Variants in PRH1 observed in about 807,000 individuals in gnomAD.
The protein encoded by PRH1 is proline rich protein HaeIII subfamily 1, also known as salivary acidic proline-rich phosphoprotein 1/2.
PRH1 carries 7 observed loss-of-function variants against 7.9 expected under a neutral mutation model. The observed-to-expected ratio is 0.89, with a 90% CI of 0.50 to 1.67. The LOEUF (loss-of-function observed/expected upper bound fraction) is 1.67, where lower values mean the gene tolerates loss of function less well. PRH1 is among the 40% of genes most tolerant of loss of function. The pLI is 0.00. For missense variants in PRH1, 109 were observed against 223.6 expected, an observed-to-expected ratio of 0.49 and a Z score of 3.27; for synonymous variants, 45 against 80.8, an observed-to-expected ratio of 0.56 and a Z score of 2.38.
At chr12:11,026,654 G>C (rs533343626) in intron 1 of PRH1, among the ~76,000 whole-genome samples, 181 of 148,024 alleles carry the variant, frequency 1.2e-3, no homozygotes, top group African/African-American at 3.9e-3. Context: ...CTTTCTATAA[G>C]CCGATTCACT....
At chr12:11,045,218 T>C (rs1158973324) in intron 1 of PRH1, among the ~76,000 whole-genome samples, 1 of 91,582 alleles carries the variant, frequency 1.1e-5, no homozygotes, top group African/African-American at 3.8e-5. Context: ...ACTGCAATGT[T>C]TGCACAGAAG....
At position 11,145,413 on chromosome 12, in the gene PRH1, A is replaced by C. The variant is rs1386955002; in HGVS notation, n.40-24233T>G. Among the ~76,000 whole-genome samples, 4 of 152,172 alleles carry C rather than the reference A, an allele frequency of 2.6e-5. No individual in the cohort carries two copies. The East Asian group carries it at 7.7e-4, about 29-fold the overall frequency. On this transcript the variant is annotated intron_variant and non_coding_transcript_variant, in intron 1 of 1. Coordinates refer to the PRH1 transcript ENST00000541175. ...TCACCATGTTGGCTAGGATGGTCTG[A>C]AACTCCTGACCTCAAATAATCTATC...
intron 1 of PRH1, chr12:10,986,447 T>C (rs149784278): frequency 5.0e-5 from 80 of 1,613,852 alleles, no homozygotes; most frequent in South Asian, 1.2e-4. Context: ...AAACCAAAAA[T>C]ATCAAAGTCC....
At chr12:11,130,866 C>T (rs1200243248) in intron 1 of PRH1, among the ~76,000 whole-genome samples, 1 of 151,742 alleles carries the variant, frequency 6.6e-6, no homozygotes, top group Admixed American at 6.6e-5. Flanking sequence ...AAGTCATATG[C>T]TCATAAAGCC....
chr12:10,987,542 AAG>A (rs143040427), intron 1 of PRH1, among the ~76,000 whole-genome samples: 357 of 146,258 alleles, frequency 2.4e-3, no homozygotes, highest in African/African-American at 3.5e-3. Flanking sequence ...CAAACACAGA[AAG>A]AGAGAGAGAG....
intron 2 of PRH1, among the ~76,000 whole-genome samples, chr12:10,911,846 A>G (rs1346845902): frequency 6.6e-6 from 1 of 152,196 alleles, no homozygotes; most frequent in Non-Finnish European, 1.5e-5. Context: ...AAGAAAGAGA[A>G]CTTTGTAAAC....
At chr12:10,975,343 G>T (rs1181769294) in intron 1 of PRH1, among the ~76,000 whole-genome samples, 1 of 152,098 alleles carries the variant, frequency 6.6e-6, no homozygotes, top group Non-Finnish European at 1.5e-5. Flanking sequence ...TAAGTGAAGG[G>T]GAAATAAGAT....
chr12:11,029,303 TTGA>T (rs1371037846), intron 1 of PRH1, among the ~76,000 whole-genome samples: 3 of 137,006 alleles, frequency 2.2e-5, no homozygotes, highest in African/African-American at 7.9e-5. Context: ...CATTTCATCA[TTGA>T]TGACAAAATT....
chr12:11,137,756 T>G (rs671751), intron 1 of PRH1, among the ~76,000 whole-genome samples: 1 of 152,306 alleles, frequency 6.6e-6, no homozygotes. Flanking sequence ...TTCCAATAAT[T>G]ATGATCTTTT....
At position 11,043,587 on chromosome 12, in the gene PRH1, C is replaced by A. The variant is rs1460457881; in HGVS notation, c.-126+3433G>T. Among the ~76,000 whole-genome samples, 4 of 145,004 alleles carry A rather than the reference C, an allele frequency of 2.8e-5. No individual in the cohort carries two copies. In the East Asian group the frequency reaches 6.2e-4, roughly 23 times the overall value. On this transcript the variant is annotated intron_variant, in intron 1 of 3. Coordinates refer to the PRH1 transcript ENST00000539853. The stretch of plus-strand genomic sequence containing the variant: ...AACTATTAGAATTGATAAACAAACT[C>A]AATAAATTTGCAGTATACACAATTA...
intron 1 of PRH1, among the ~76,000 whole-genome samples, chr12:11,005,224 C>T (rs1940772515): frequency 6.6e-6 from 1 of 152,110 alleles, no homozygotes; most frequent in African/African-American, 2.4e-5. Flanking sequence ...TATGTCCTGG[C>T]TATAAGATGA....
At chr12:11,155,357 A>G (rs1322134308) in intron 1 of PRH1, among the ~76,000 whole-genome samples, 1 of 152,224 alleles carries the variant, frequency 6.6e-6, no homozygotes, top group Admixed American at 6.5e-5. Flanking sequence ...CTTGAAAACC[A>G]GAGAACCAGA....
intron 1 of PRH1, among the ~76,000 whole-genome samples, chr12:11,158,135 G>GT (rs750055592): frequency 7.4e-4 from 112 of 151,704 alleles, no homozygotes; most frequent in Non-Finnish European, 5.6e-4. Context: ...ACAGTGCTGG[G>GT]TTTTTTTTCT....
At chr12:10,942,245 T>A (rs1341290501) in intron 2 of PRH1, among the ~76,000 whole-genome samples, 1 of 152,272 alleles carries the variant, frequency 6.6e-6, no homozygotes, top group Non-Finnish European at 1.5e-5. Context: ...TGTGATAGTA[T>A]GAAGAGGCAC....
At chr12:11,091,775 A>G (rs770491026) in intron 1 of PRH1, 11 of 1,383,832 alleles carry the variant, frequency 7.9e-6, no homozygotes, top group Non-Finnish European at 1.1e-5. Flanking sequence ...TGTCCGCACA[A>G]TCTCATTCAT....
chr12:10,923,207 C>T (rs886743990), intron 2 of PRH1, among the ~76,000 whole-genome samples: 1 of 151,390 alleles, frequency 6.6e-6, no homozygotes, highest in African/African-American at 2.4e-5. Context: ...CTCAGTGCCA[C>T]CTCTGCCTCC....
intron 1 of PRH1, among the ~76,000 whole-genome samples, chr12:11,054,123 T>C (rs1337279221): frequency 6.6e-6 from 1 of 152,162 alleles, no homozygotes; most frequent in Non-Finnish European, 1.5e-5. Context: ...CCTGGCTCGA[T>C]TCTTATATTA....
chr12:11,062,296 T>G, intron 1 of PRH1: 2 of 1,600,380 alleles, frequency 1.2e-6, no homozygotes, highest in Non-Finnish European at 1.7e-6. Context: ...AGTTATCATG[T>G]CTGAACAGAC....
At chr12:10,914,096 C>T (rs2135834430) in intron 2 of PRH1, among the ~76,000 whole-genome samples, 1 of 152,246 alleles carries the variant, frequency 6.6e-6, no homozygotes, top group Non-Finnish European at 1.5e-5. Flanking sequence ...AAAAACATTA[C>T]TGTTTACTGT....
Sources: allele counts gnomAD v4.1 joint callset (sites outside exome capture counted in the v4.1 genomes callset), GRCh38; gene constraint gnomAD v4.1.1; transcripts MANE v1.5; gene names NCBI Gene and HGNC (gene_info 2026-07-23, HGNC 2026-07-21).